Variants in ENG observed in about 807,000 individuals in gnomAD.
ENG encodes the protein CD105 antigen.
ENG carries 17 observed loss-of-function variants against 71.0 expected under a neutral mutation model. The ratio of observed to expected loss-of-function variants is 0.24; its 90% CI spans 0.16 to 0.36. The LOEUF is 0.36. ENG is among the 10% of genes least tolerant of loss of function. ENG has a pLI of 1.00. For synonymous variants in ENG, 360 were observed against 366.9 expected, an observed-to-expected ratio of 0.98 and a Z score of 0.21; for missense variants, 749 against 868.3, an observed-to-expected ratio of 0.86 and a Z score of 1.73.
At chr9:127,837,491 C>T (rs1206028370) in intron 2 of ENG, among the ~76,000 whole-genome samples, 1 of 152,182 alleles carries the variant, frequency 6.6e-6, no homozygotes, top group Admixed American at 6.5e-5. Flanking sequence ...CACGTGTCCT[C>T]ACCTCTCCAA....
chr9:127,824,953 T>G lies in ENG; in HGVS notation c.838A>C (p.Lys280Gln). The G allele has an allele frequency of 6.2e-7, 1 of 1,613,732 alleles. No homozygotes were observed. The highest frequency in any genetic ancestry group is 8.5e-7 in the Non-Finnish European group (1 of 1,179,964). The change falls in exon 7 of 15, where the codon AAG becomes CAG. Residue 280 changes from lysine to glutamine, a missense_variant. Coordinates refer to ENST00000373203, the MANE Select transcript of ENG (RefSeq NM_001114753.3). Reference protein sequence around the residue: ...QIWTTGEYSFKIFPEKNIRGF... With the variant: ...QIWTTGEYSFQIFPEKNIRGF... ...CGAATGTTTTTCTCTGGAAAGATCT[T>G]GAAGGAGTATTCTCCAGTGGTCTAA...
chr9:127,847,351 A>G (rs535456738), intron 1 of ENG, among the ~76,000 whole-genome samples: 1 of 152,284 alleles, frequency 6.6e-6, no homozygotes, highest in South Asian at 2.1e-4. Flanking sequence ...TGTCAGTTTG[A>G]TGGGGTAACC....
At chr9:127,826,083 C>G (rs1830609372) in intron 4 of ENG, among the ~76,000 whole-genome samples, 1 of 152,124 alleles carries the variant, frequency 6.6e-6, no homozygotes, top group African/African-American at 2.4e-5. Context: ...AGGGATGAGC[C>G]CATGACACAT....
At chr9:127,849,309 T>C (rs1378443951) in intron 1 of ENG, among the ~76,000 whole-genome samples, 1 of 152,234 alleles carries the variant, frequency 6.6e-6, no homozygotes, top group Non-Finnish European at 1.5e-5. Flanking sequence ...CACCCTTCTG[T>C]AGAAGTAAAA....
intron 2 of ENG, among the ~76,000 whole-genome samples, chr9:127,835,010 TTTTTC>T (rs1830863132): frequency 6.6e-6 from 1 of 151,776 alleles, no homozygotes; most frequent in Admixed American, 6.5e-5. Context: ...ATATATAATT[TTTTTC>T]TTTTAAGACA....
At chr9:127,826,438 G>A (rs1243923320) in intron 4 of ENG, 72 bp downstream of exon 4, 35 of 1,588,628 alleles carry the variant, frequency 2.2e-5, no homozygotes, top group South Asian at 3.4e-5. Flanking sequence ...CAAGTTTGAG[G>A]TGTGGGCCAG....
intron 3 of ENG, among the ~76,000 whole-genome samples, 159 bp from the exon 4 acceptor site, chr9:127,826,831 G>C (rs1228169924): frequency 2.0e-5 from 3 of 152,066 alleles, no homozygotes; most frequent in African/African-American, 7.2e-5. Flanking sequence ...TCAGCCCGGA[G>C]CCCCCTAGCA....
intron 3 of ENG, among the ~76,000 whole-genome samples, chr9:127,828,005 G>A (rs778414936): frequency 2.9e-4 from 34 of 118,278 alleles, no homozygotes; most frequent in Non-Finnish European, 4.6e-4. Flanking sequence ...GGCAACAAGA[G>A]TGAAACTCCA....
At chr9:127,839,471 G>A (rs1044095733) in intron 2 of ENG, among the ~76,000 whole-genome samples, 2 of 152,212 alleles carry the variant, frequency 1.3e-5, no homozygotes, top group African/African-American at 4.8e-5. Context: ...AGCAGCAGGA[G>A]GAGGAAGGCC....
At chr9:127,833,522 C>CAAA (rs57982372) in intron 2 of ENG, among the ~76,000 whole-genome samples, 98 of 66,628 alleles carry the variant, frequency 1.5e-3, no homozygotes, top group African/African-American at 2.9e-3. Context: ...AACTCCGCCT[C>CAAA]AAAAAAAAAA....
At chr9:127,820,115 C>CCA in intron 8 of ENG, 78 bp from the exon 9 acceptor site, 4 of 1,556,458 alleles carry the variant, frequency 2.6e-6, no homozygotes, top group Non-Finnish European at 3.5e-6. Flanking sequence ...CAAGGACTGA[C>CCA]CACAACCCAG....
In ENG at chr9:127,829,747, A is replaced by G. The variant is rs746054757; in HGVS notation, c.300T>C (p.Ser100=). ...TWPREVLLVL[S]VNSSVFLHLQ... Reference sequence around the variant, plus strand: ...GATGCAGGAAGACACTGCTGTTTACACTGAGGACCAGAAGCACCTCTCGGG... The same window carrying G: ...GATGCAGGAAGACACTGCTGTTTACGCTGAGGACCAGAAGCACCTCTCGGG... Residue 100 remains serine (S), a synonymous_variant, in exon 3 of 15, where the codon AGT becomes AGC. Coordinates refer to ENST00000373203, the MANE Select transcript of ENG (RefSeq NM_001114753.3). 6.2e-7 allele frequency: 1 copy of G among 1,614,110 alleles called. No homozygotes were observed. Among genetic ancestry groups the G allele is most frequent in the South Asian group, 1.1e-5 (1 of 91,078 alleles).
Position 127,825,863 on chromosome 9 carries a change from G to A in ENG, c.524-3C>T. ...GCAGAAGGACAGTGACCCCTGGGCTGCAGAGACACGCGCACCTCAGTCCCT... is the reference window on the plus strand; with the variant it reads ...GCAGAAGGACAGTGACCCCTGGGCTACAGAGACACGCGCACCTCAGTCCCT... On this transcript the variant is annotated splice_region_variant and splice_polypyrimidine_tract_variant and intron_variant, in intron 4 of 14. Transcript: ENST00000373203. 6.3e-7 allele frequency: 1 copy of A among 1,584,830 alleles called. No individual in the cohort carries two copies. The highest frequency in any genetic ancestry group is 1.1e-5 in the South Asian group (1 of 87,016).
intron 8 of ENG, among the ~76,000 whole-genome samples, chr9:127,822,184 C>A (rs1830483604): frequency 6.6e-6 from 1 of 152,110 alleles, no homozygotes. Context: ...AAGAAAAATA[C>A]CAAGCCTCAA....
chr9:127,817,882 A>G, intron 12 of ENG: 1 of 608,558 alleles, frequency 1.6e-6, no homozygotes, highest in South Asian at 2.0e-5. Flanking sequence ...GGATGGATGG[A>G]TAGATGGACA....
Position 127,836,263 on chromosome 9 carries a change from C to T in ENG, c.220-6436G>A, listed in dbSNP as rs1291084211. On this transcript the variant is annotated intron_variant, in intron 2 of 14. Coordinates refer to ENST00000373203, the MANE Select transcript of ENG (RefSeq NM_001114753.3). This position sits in a 1 kb window ranked among gnomAD's most constrained non-coding sequence, Gnocchi z 4.0. ...ATTCCGCAGTCTGGCCAGCCCCTCA[C>T]CCCCAGCCCGGCCAGCCTGCGCCTA... 2.6e-5 allele frequency among the ~76,000 whole-genome samples: 4 copies of T among 152,218 alleles called. No individual in the cohort carries two copies. The highest frequency in any genetic ancestry group is 5.9e-5 in the Non-Finnish European group (4 of 68,038).
intron 2 of ENG, among the ~76,000 whole-genome samples, chr9:127,835,719 G>A (rs1332227306): frequency 6.6e-6 from 1 of 152,160 alleles, no homozygotes; most frequent in Non-Finnish European, 1.5e-5. Context: ...TCTGTGAAAT[G>A]GGGGTAGGAC....
At chr9:127,822,056 AAAAAG>A (rs772763360) in intron 8 of ENG, among the ~76,000 whole-genome samples, 53 of 152,216 alleles carry the variant, frequency 3.5e-4, no homozygotes, top group South Asian at 1.3e-3. Context: ...TCAAAGAAAA[AAAAAG>A]AAAAGAAAAG....
intron 2 of ENG, 31 bp downstream of exon 2, chr9:127,843,063 C>T (rs763916270): frequency 6.2e-7 from 1 of 1,613,264 alleles, no homozygotes; most frequent in East Asian, 2.2e-5. Context: ...TTCCTCTGAG[C>T]CCCCACCCGA....
Sources: allele counts gnomAD v4.1 joint callset (sites outside exome capture counted in the v4.1 genomes callset), GRCh38; gene constraint gnomAD v4.1.1; non-coding constraint Gnocchi (gnomAD v3.1); transcripts MANE v1.5; gene names NCBI Gene and HGNC (gene_info 2026-07-23, HGNC 2026-07-21).